Variants in RSRC1 observed in about 807,000 individuals in gnomAD.
The protein encoded by RSRC1 is serine/Arginine-related protein 53.
In RSRC1, 39 loss-of-function variants were observed where a neutral mutation model predicts 49.1. The ratio of observed to expected loss-of-function variants is 0.79; its 90% CI spans 0.61 to 1.04. The LOEUF (loss-of-function observed/expected upper bound fraction) is 1.04. RSRC1 is among the 50% of genes least tolerant of loss of function. RSRC1 has a pLI of 0.00. For synonymous variants in RSRC1, 143 were observed against 130.8 expected (o/e 1.09, Z -0.63); for missense variants, 388 against 402.4 (o/e 0.96, Z 0.31).
chr3:158,431,867 A>G (rs1414718486), intron 6 of RSRC1, among the ~76,000 whole-genome samples: 1 of 152,026 alleles, frequency 6.6e-6, no homozygotes, highest in Non-Finnish European at 1.5e-5. Context: ...ACCAAAAATA[A>G]CATCACAAAA....
At chr3:158,353,579 A>G (rs1289414573) in intron 5 of RSRC1, among the ~76,000 whole-genome samples, 1 of 152,112 alleles carries the variant, frequency 6.6e-6, no homozygotes, top group Non-Finnish European at 1.5e-5. Flanking sequence ...CAGTCTCCTC[A>G]CTTGTCTCAT....
chr3:158,290,883 C>A (rs1029757348), intron 4 of RSRC1, among the ~76,000 whole-genome samples: 27 of 152,072 alleles, frequency 1.8e-4, no homozygotes, highest in Admixed American at 9.8e-4. Flanking sequence ...TAGTTCATGA[C>A]AAAAAAATCT....
rs771364060 is a variant in RSRC1, at chr3:158,122,135, G to C, written c.31G>C (p.Glu11Gln). The C allele has an allele frequency of 6.4e-7, 1 of 1,552,708 alleles. No individual in the cohort carries two copies. Among genetic ancestry groups the C allele is most frequent in the African/African-American group, 1.4e-5 (1 of 71,666 alleles). MGRRSSDTEE[E>Q]SRSKRKKKHR... ...ACGTCGGTCATCAGATACTGAAGAA[G>C]AAAGCAGAAGCAAGAGAAAAAAGAA... The change falls in exon 2 of 10, where the codon GAA becomes CAA. Residue 11 changes from glutamate to glutamine, a missense_variant. By Grantham distance (29) the Glu-to-Gln change is conservative. Transcript: ENST00000611884.
In RSRC1 at chr3:158,193,984, C is replaced by A. The variant is rs186856141; in HGVS notation, c.321-9088C>A. ...ACTATAATCCCAGAACTTGGGGAGT[C>A]TGACACAGGAGGATCACTTGAAGCT... is the stretch of plus-strand genomic sequence containing the variant. On this transcript the variant is annotated intron_variant, in intron 3 of 9. Transcript: ENST00000611884. Among the ~76,000 whole-genome samples, 10 of 151,734 alleles carry A rather than the reference C, an allele frequency of 6.6e-5. No individual in the cohort carries two copies. In the East Asian group the frequency reaches 1.2e-3, roughly 18 times the overall value.
At chr3:158,452,225 T>C (rs940051022) in intron 6 of RSRC1, among the ~76,000 whole-genome samples, 2 of 152,134 alleles carry the variant, frequency 1.3e-5, no homozygotes, top group Admixed American at 1.3e-4. Context: ...ATTCTGACCA[T>C]TGACAAATTA....
Position 158,196,434 on chromosome 3 carries a change from C to T in RSRC1, c.321-6638C>T, listed in dbSNP as rs927658817. ...GTGGGATTTTCTAGATATACAATCA[C>T]GTCATCTGCAAACAGGGACAGTTTG... On this transcript the variant is annotated intron_variant, in intron 3 of 9. Coordinates refer to ENST00000611884, the MANE Select transcript of RSRC1 (RefSeq NM_001271838.2). Among the ~76,000 whole-genome samples the T allele has an allele frequency of 1.1e-4, 17 of 152,212 alleles. 1 individual carries two copies. The highest frequency in any genetic ancestry group is 1.9e-4 in the East Asian group (1 of 5,170).
At chr3:158,389,960 T>G (rs1733177128) in intron 6 of RSRC1, among the ~76,000 whole-genome samples, 1 of 152,236 alleles carries the variant, frequency 6.6e-6, no homozygotes. Context: ...GTTTTAGGGC[T>G]TTCTTTGTTT....
chr3:158,511,016 G>A (rs556244933), intron 7 of RSRC1, among the ~76,000 whole-genome samples: 1 of 152,016 alleles, frequency 6.6e-6, no homozygotes, highest in African/African-American at 2.4e-5. Flanking sequence ...CTAGAGCATG[G>A]TATAGCTCTG....
chr3:158,358,611 A>G (rs1427164747), intron 6 of RSRC1, among the ~76,000 whole-genome samples: 1 of 152,188 alleles, frequency 6.6e-6, no homozygotes, highest in Non-Finnish European at 1.5e-5. Flanking sequence ...AAATTTACAT[A>G]ACATAAAATT....
At chr3:158,251,601 ATTTCT>A (rs558821762) in intron 4 of RSRC1, among the ~76,000 whole-genome samples, 124 of 152,080 alleles carry the variant, frequency 8.2e-4, no homozygotes, top group Middle Eastern at 6.8e-3. Flanking sequence ...TACTTTCTTG[ATTTCT>A]TTTTCAGAAT....
chr3:158,529,236 C>A (rs931845298), intron 7 of RSRC1, among the ~76,000 whole-genome samples: 1 of 126,362 alleles, frequency 7.9e-6, no homozygotes, highest in South Asian at 2.5e-4. Context: ...ATATATATAT[C>A]CTACAAATAA....
chr3:158,144,683 A>G (rs1716966308), intron 3 of RSRC1, among the ~76,000 whole-genome samples: 1 of 152,150 alleles, frequency 6.6e-6, no homozygotes, highest in Non-Finnish European at 1.5e-5. Context: ...TGGTATTTCT[A>G]GTTCTAGATC....
chr3:158,140,407 T>TA (rs1460032241), intron 3 of RSRC1, among the ~76,000 whole-genome samples: 1 of 152,236 alleles, frequency 6.6e-6, no homozygotes, highest in Non-Finnish European at 1.5e-5. Context: ...CTGTTTCCGA[T>TA]ATGCACTCTG....
intron 3 of RSRC1, among the ~76,000 whole-genome samples, chr3:158,134,013 G>A (rs1016349281): frequency 2.6e-5 from 4 of 152,144 alleles, no homozygotes; most frequent in Non-Finnish European, 4.4e-5. Flanking sequence ...AGGATATGAA[G>A]AAAGGAACCT....
At chr3:158,198,216 T>A (rs2108273016) in intron 3 of RSRC1, among the ~76,000 whole-genome samples, 1 of 152,326 alleles carries the variant, frequency 6.6e-6, no homozygotes, top group East Asian at 1.9e-4. Context: ...TAGCTCTTCT[T>A]GTTGAATTGA....
rs367702399 is a variant in RSRC1, at chr3:158,135,797, C to T, written c.320+11806C>T. On this transcript the variant is annotated intron_variant, in intron 3 of 9. Coordinates refer to ENST00000611884, the MANE Select transcript of RSRC1 (RefSeq NM_001271838.2). ...TCACATCTTTCCAATGCTAGTCATA[C>T]TTGTAGTGTTTAAACAGTTTTCTTT... Among the ~76,000 whole-genome samples the T allele has an allele frequency of 3.9e-5, 6 of 152,302 alleles. No individual in the cohort carries two copies. The East Asian group carries it at 7.7e-4, about 20-fold the overall frequency.
intron 4 of RSRC1, among the ~76,000 whole-genome samples, chr3:158,265,122 C>G (rs1035592240): frequency 1.6e-4 from 25 of 152,186 alleles, no homozygotes; most frequent in Admixed American, 1.3e-3. Context: ...GAGTTCTCCT[C>G]TGTTGCACTG....
At chr3:158,420,687 A>T (rs906396768) in intron 6 of RSRC1, among the ~76,000 whole-genome samples, 7 of 152,098 alleles carry the variant, frequency 4.6e-5, no homozygotes, top group African/African-American at 1.7e-4. Flanking sequence ...AATACAAAAT[A>T]TACAAATTAA....
chr3:158,469,121 C>G (rs1475608144), intron 7 of RSRC1, among the ~76,000 whole-genome samples: 1 of 152,088 alleles, frequency 6.6e-6, no homozygotes, highest in South Asian at 2.1e-4. Context: ...CCCAACAGGT[C>G]TAGCTTCTTC....
Sources: allele counts gnomAD v4.1 joint callset (sites outside exome capture counted in the v4.1 genomes callset), GRCh38; gene constraint gnomAD v4.1.1; transcripts MANE v1.5; gene names NCBI Gene and HGNC (gene_info 2026-07-23, HGNC 2026-07-21).